CHKA: variants seen among roughly 807,000 people sequenced by gnomAD.
CHKA encodes CHETK-alpha.
CHKA carries 34 observed loss-of-function variants against 60.1 expected under a neutral mutation model. That is an observed-to-expected ratio of 0.57 (90% CI 0.43 to 0.75). The LOEUF is 0.75. Among genes scored for constraint, CHKA ranks in the 30% least tolerant of loss-of-function variants. The pLI is 0.00. For missense variants in CHKA, 563 were observed against 561.3 expected, an observed-to-expected ratio of 1.00 and a Z score of -0.03; for synonymous variants, 217 against 223.1, an observed-to-expected ratio of 0.97 and a Z score of 0.24.
At chr11:68,095,903 G>A (rs1857498297) in intron 2 of CHKA, among the ~76,000 whole-genome samples, 1 of 148,408 alleles carries the variant, frequency 6.7e-6, no homozygotes. Context: ...TTAGGCGGGT[G>A]TAGTGGCACA....
intron 1 of CHKA, among the ~76,000 whole-genome samples, chr11:68,100,679 A>AAT (rs1857680570): frequency 6.6e-6 from 1 of 151,374 alleles, no homozygotes; most frequent in Non-Finnish European, 1.5e-5. Flanking sequence ...AATAAATTTA[A>AAT]ATATATATAT....
intron 5 of CHKA, 61 bp downstream of exon 5, chr11:68,070,663 T>C (rs1856587612): frequency 1.9e-6 from 3 of 1,563,454 alleles, no homozygotes; most frequent in African/African-American, 1.4e-5. Context: ...TGCTCACTTA[T>C]GGTACTTCTG....
intron 1 of CHKA, among the ~76,000 whole-genome samples, chr11:68,099,754 G>GCCCTAGT (rs1857642034): frequency 6.6e-6 from 1 of 152,168 alleles, no homozygotes; most frequent in Admixed American, 6.6e-5. Context: ...AGAGTTAAAA[G>GCCCTAGT]CCCTAGTTTT....
chr11:68,089,387 G>A (rs867192679), intron 2 of CHKA, among the ~76,000 whole-genome samples: 3 of 152,154 alleles, frequency 2.0e-5, no homozygotes, highest in Non-Finnish European at 2.9e-5. Flanking sequence ...ACCCAGCTAA[G>A]ACATATGAAA....
intron 1 of CHKA, among the ~76,000 whole-genome samples, chr11:68,107,857 G>A (rs906184601): frequency 5.9e-5 from 9 of 152,094 alleles, no homozygotes; most frequent in Non-Finnish European, 1.2e-4. Flanking sequence ...TCTAGCCCAC[G>A]CTGACTCCCA....
chr11:68,084,316 G>GTA lies in CHKA; in HGVS notation c.463-2861_463-2860dup, dbSNP rs571314980. Among the ~76,000 whole-genome samples, 616 of 132,508 alleles carry GTA rather than the reference G, an allele frequency of 4.6e-3. 6 individuals are homozygous for GTA. Among genetic ancestry groups the GTA allele is most frequent in the East Asian group, 0.022 (100 of 4,642 alleles). The allele number at this position is 132,508 out of a possible 152,430, so 86.9% of individuals were successfully genotyped here. ...TATACGTATATGTGTATATACATGT[G>GTA]TATATATATACACATATACGTATAT... On this transcript the variant is annotated intron_variant, in intron 2 of 11. Transcript: ENST00000265689.
chr11:68,095,176 G>A (rs534021860), intron 2 of CHKA, among the ~76,000 whole-genome samples: 9 of 151,942 alleles, frequency 5.9e-5, no homozygotes, highest in Admixed American at 3.9e-4. Flanking sequence ...AGGCCAAGGC[G>A]GGCAGGTCAC....
chr11:68,103,665 A>G (rs745559826), intron 1 of CHKA, among the ~76,000 whole-genome samples: 4 of 152,050 alleles, frequency 2.6e-5, no homozygotes, highest in Non-Finnish European at 5.9e-5. Context: ...TAATCCCCGC[A>G]CTTTGGAAGG....
At chr11:68,074,353 G>C (rs756591170) in intron 4 of CHKA, among the ~76,000 whole-genome samples, 12 of 152,246 alleles carry the variant, frequency 7.9e-5, no homozygotes, top group East Asian at 1.9e-4. Context: ...CCCCCACAGG[G>C]CTACAGTCAG....
rs1028282874 is a variant in CHKA at position 68,066,282 on chromosome 11, C to T, written c.1016+147G>A. The T allele has an allele frequency of 4.9e-5, 33 of 670,322 alleles. No homozygotes were observed. The African/African-American group carries it at 6.0e-4, about 12-fold the overall frequency. The allele number at this position is 670,322 out of a possible 1,614,324, so 41.5% of individuals were successfully genotyped here. A position where few individuals can be genotyped will look rare whatever the true frequency, so the allele number is the denominator to read the frequency against. On this transcript the variant is annotated intron_variant, in intron 8 of 11. Transcript: ENST00000265689. ...GCTGCTTCACCACAACCATCACCGG[C>T]CACTGGACGAGAAGCCACTGATTCC...
rs1273452654 is a variant in CHKA, at chr11:68,070,707, G to T, written c.764+17C>A. The stretch of plus-strand genomic sequence containing the variant: ...CACTGTAAAACTATGTTAGGACCAA[G>T]TGATTTGACCACTTACTTTTCCATT... On this transcript the variant is annotated intron_variant, in intron 5 of 11. Coordinates refer to ENST00000265689, the MANE Select transcript of CHKA (RefSeq NM_001277.3). The T allele has an allele frequency of 1.2e-6, 2 of 1,606,138 alleles. No homozygotes were observed. Among genetic ancestry groups the T allele is most frequent in the Admixed American group, 3.3e-5 (2 of 59,768 alleles).
rs146413297 is a variant in CHKA at position 68,065,606 on chromosome 11, C to T, written c.1125+180G>A. 2.6e-4 allele frequency among the ~76,000 whole-genome samples: 39 copies of T among 152,088 alleles called. No homozygotes were observed. In the East Asian group the frequency reaches 5.0e-3, roughly 20 times the overall value. On this transcript the variant is annotated intron_variant, in intron 9 of 11. Coordinates refer to ENST00000265689, the MANE Select transcript of CHKA (RefSeq NM_001277.3). ...GTCCCAGCTACTTGGGGGGCTGAGG[C>T]GAGAGGATCACCTGAGCACAGAAGG...
chr11:68,076,985 C>A (rs1489039787), intron 3 of CHKA, among the ~76,000 whole-genome samples: 1 of 152,106 alleles, frequency 6.6e-6, no homozygotes, highest in Non-Finnish European at 1.5e-5. Flanking sequence ...CGCCTGTAAT[C>A]CCAGCATTTC....
intron 1 of CHKA, 143 bp from the exon 2 acceptor site, chr11:68,097,273 A>G (rs1039558690): frequency 2.6e-5 from 14 of 548,706 alleles, no homozygotes; most frequent in Admixed American, 2.2e-4. Flanking sequence ...TAACTCCATG[A>G]GTCACATTAA....
chr11:68,100,816 A>G (rs1176212671), intron 1 of CHKA, among the ~76,000 whole-genome samples: 2 of 151,414 alleles, frequency 1.3e-5, no homozygotes, highest in Non-Finnish European at 2.9e-5. Context: ...AGCAGGAAGT[A>G]CCTGCTGGCA....
At chr11:68,078,922 A>T (rs1010678781) in intron 3 of CHKA, among the ~76,000 whole-genome samples, 15 of 149,120 alleles carry the variant, frequency 1.0e-4, no homozygotes, top group South Asian at 2.1e-4. Flanking sequence ...TTCAGTTATT[A>T]TTTTTTTTTT....
chr11:68,097,031 C>G lies in CHKA; in HGVS notation c.450G>C (p.Ala150=), dbSNP rs773313547. 1.2e-6 allele frequency: 2 copies of G among 1,611,464 alleles called. No individual in the cohort carries two copies. Among genetic ancestry groups the G allele is most frequent in the Non-Finnish European group, 8.5e-7 (1 of 1,178,626 alleles). The change falls in exon 2 of 12, where the codon GCG becomes GCC. Residue 150 remains alanine, a synonymous_variant. Transcript: ENST00000265689. ...PRKVLLRLYG[A]ILQMRSCNKE... is the part of the protein sequence containing the mutation. ...CCTACCAACTCACCATCTGCAAAAT[C>G]GCTCCATACAGCCGCAGGAGCACTT...
At chr11:68,078,604 A>G (rs908762868) in intron 3 of CHKA, among the ~76,000 whole-genome samples, 2 of 152,246 alleles carry the variant, frequency 1.3e-5, no homozygotes, top group African/African-American at 2.4e-5. Context: ...TTTAAAACCC[A>G]GGAAGAAGAG....
At chr11:68,073,572 C>G (rs1397833738) in intron 4 of CHKA, among the ~76,000 whole-genome samples, 1 of 152,204 alleles carries the variant, frequency 6.6e-6, no homozygotes, top group Non-Finnish European at 1.5e-5. Flanking sequence ...CTAAACACAT[C>G]CTCAGCACTG....
Sources: gnomAD v4.1 joint callset for allele counts (sites outside exome capture counted in the v4.1 genomes callset) on GRCh38, gnomAD v4.1.1 for gene constraint, MANE v1.5 for transcripts, NCBI Gene and HGNC (gene_info 2026-07-23, HGNC 2026-07-21) for gene names.